Variants in STK32B observed in about 807,000 individuals in gnomAD.
STK32B encodes the protein serine/threonine-protein kinase 32B.
In STK32B, 43 loss-of-function variants were observed where a neutral mutation model predicts 52.6. The observed-to-expected ratio is 0.82, with a 90% CI of 0.64 to 1.05. The LOEUF (loss-of-function observed/expected upper bound fraction) is 1.05. STK32B is among the 50% of genes least tolerant of loss of function. The pLI is 0.00. For synonymous variants in STK32B, 238 were observed against 204.3 expected, an observed-to-expected ratio of 1.17 and a Z score of -1.41; for missense variants, 621 against 534.6, an observed-to-expected ratio of 1.16 and a Z score of -1.59.
rs555645286 is a variant in STK32B, at chr4:5,090,176, T to C, written c.52+38261T>C. On this transcript the variant is annotated intron_variant, in intron 1 of 11. Coordinates refer to ENST00000282908, the MANE Select transcript of STK32B (RefSeq NM_018401.3). Reference sequence around the variant, plus strand: ...TCTATAGGTTGCCTGTTCACTCTGATGCTAGTTTCTTTTGCTGTGCAGAAG... The same window carrying C: ...TCTATAGGTTGCCTGTTCACTCTGACGCTAGTTTCTTTTGCTGTGCAGAAG... Among the ~76,000 whole-genome samples, 113 of 148,614 alleles carry C rather than the reference T, an allele frequency of 7.6e-4. 1 individual carries two copies. Among genetic ancestry groups the C allele is most frequent in the Non-Finnish European group, 1.4e-3 (97 of 67,338 alleles).
intron 2 of STK32B, among the ~76,000 whole-genome samples, chr4:5,156,252 A>G (rs1317516535): frequency 6.6e-6 from 1 of 151,358 alleles, no homozygotes. Context: ...TCTATGATAC[A>G]GATAACATAT....
chr4:5,182,456 T>G (rs1720434308), intron 3 of STK32B, among the ~76,000 whole-genome samples: 1 of 152,022 alleles, frequency 6.6e-6, no homozygotes, highest in Non-Finnish European at 1.5e-5. Flanking sequence ...AATGTCCTTT[T>G]TTTTTCCTTT....
At chr4:5,240,742 G>A (rs1724966710) in intron 3 of STK32B, among the ~76,000 whole-genome samples, 1 of 152,172 alleles carries the variant, frequency 6.6e-6, no homozygotes, top group Non-Finnish European at 1.5e-5. Flanking sequence ...TTACAGGAGT[G>A]AGCCACTGTT....
At chr4:5,269,388 C>T (rs1236226339) in intron 3 of STK32B, among the ~76,000 whole-genome samples, 7 of 152,068 alleles carry the variant, frequency 4.6e-5, no homozygotes, top group African/African-American at 9.7e-5. Flanking sequence ...TAACAAAAAG[C>T]GAGACTTACA....
At chr4:5,311,677 G>C (rs889056118) in intron 3 of STK32B, among the ~76,000 whole-genome samples, 4 of 152,000 alleles carry the variant, frequency 2.6e-5, no homozygotes, top group African/African-American at 9.7e-5. Context: ...AATTTTGATA[G>C]CTTAGAAGAA....
chr4:5,257,247 TTGAGTGAATGAA>T lies in STK32B; in HGVS notation c.261-73961_261-73950del, dbSNP rs1408115747. On this transcript the variant is annotated intron_variant, in intron 3 of 11. Coordinates refer to ENST00000282908, the MANE Select transcript of STK32B (RefSeq NM_018401.3). ...TGTGAGTGAATGAATGAGTGAATGA[TTGAGTGAATGAA>T]TGAGTGAATGATGAAGTGAGTGAGT... 6.6e-5 allele frequency among the ~76,000 whole-genome samples: 8 copies of T among 120,682 alleles called. 1 individual carries two copies. In the South Asian group the frequency reaches 1.0e-3, roughly 15 times the overall value. 79.2% of individuals were successfully genotyped at this position (120,682 alleles called of 152,430 possible).
At chr4:5,339,897 C>A (rs539557568) in intron 4 of STK32B, among the ~76,000 whole-genome samples, 1 of 152,190 alleles carries the variant, frequency 6.6e-6, no homozygotes, top group Non-Finnish European at 1.5e-5. Context: ...TCTGGGGGAA[C>A]TGGCCTTGAA....
chr4:5,213,521 G>A (rs779775417), intron 3 of STK32B, among the ~76,000 whole-genome samples: 1 of 152,232 alleles, frequency 6.6e-6, no homozygotes, highest in Non-Finnish European at 1.5e-5. Flanking sequence ...AAGTGAAGCA[G>A]ATAGAGATCA....
intron 6 of STK32B, among the ~76,000 whole-genome samples, chr4:5,438,412 G>A (rs576983539): frequency 1.3e-5 from 2 of 152,172 alleles, no homozygotes; most frequent in Admixed American, 1.3e-4. Flanking sequence ...ATCTATCACC[G>A]ATAGGAAGAG....
At chr4:5,251,576 T>C (rs1725939432) in intron 3 of STK32B, among the ~76,000 whole-genome samples, 1 of 152,216 alleles carries the variant, frequency 6.6e-6, no homozygotes, top group Non-Finnish European at 1.5e-5. Flanking sequence ...TCTCTTTTGG[T>C]TCCATATGAA....
chr4:5,165,994 G>C (rs757633512), intron 2 of STK32B, among the ~76,000 whole-genome samples: 1 of 152,146 alleles, frequency 6.6e-6, no homozygotes, highest in Non-Finnish European at 1.5e-5. Context: ...TGCTGACTCA[G>C]TTCAGAAATA....
chr4:5,083,257 A>G (rs1712535446), intron 1 of STK32B, among the ~76,000 whole-genome samples: 1 of 152,222 alleles, frequency 6.6e-6, no homozygotes, highest in African/African-American at 2.4e-5. Flanking sequence ...CCTTTTCAAA[A>G]TAGATTTAGA....
At chr4:5,240,287 CT>C (rs200109352) in intron 3 of STK32B, among the ~76,000 whole-genome samples, 5 of 151,404 alleles carry the variant, frequency 3.3e-5, no homozygotes, top group East Asian at 1.9e-4. Context: ...AATCTTGAAT[CT>C]TTTTTTTTCT....
chr4:5,373,675 A>C (rs10213273), intron 4 of STK32B, among the ~76,000 whole-genome samples: 1 of 152,126 alleles, frequency 6.6e-6, no homozygotes, highest in Admixed American at 6.5e-5. Context: ...TCCCATCTGC[A>C]GGGCCCCTAG....
chr4:5,240,798 T>G (rs768921609), intron 3 of STK32B, among the ~76,000 whole-genome samples: 6 of 152,184 alleles, frequency 3.9e-5, no homozygotes, highest in Non-Finnish European at 7.4e-5. Context: ...CTTTGATGAT[T>G]GTGCTTCTTT....
chr4:5,135,521 C>G (rs1427412996), intron 1 of STK32B, among the ~76,000 whole-genome samples: 1 of 152,218 alleles, frequency 6.6e-6, no homozygotes, highest in Non-Finnish European at 1.5e-5. Context: ...AAGAATGTTT[C>G]TAGCTTCTAG....
chr4:5,266,449 G>T (rs1379139597), intron 3 of STK32B, among the ~76,000 whole-genome samples: 1 of 152,170 alleles, frequency 6.6e-6, no homozygotes, highest in African/African-American at 2.4e-5. Context: ...CTTAATTAAT[G>T]ATCTGGGAGA....
chr4:5,377,428 T>C (rs1326516813), intron 4 of STK32B, among the ~76,000 whole-genome samples: 2 of 152,198 alleles, frequency 1.3e-5, no homozygotes, highest in Non-Finnish European at 2.9e-5. Context: ...TCACAACACC[T>C]ATAAGCGCCT....
At chr4:5,277,957 G>A (rs111904993) in intron 3 of STK32B, among the ~76,000 whole-genome samples, 9 of 152,146 alleles carry the variant, frequency 5.9e-5, no homozygotes, top group Non-Finnish European at 1.3e-4. Flanking sequence ...ACCTAGAAAC[G>A]AAACTGTTTT....
Sources: gnomAD v4.1 joint callset for allele counts (sites outside exome capture counted in the v4.1 genomes callset) on GRCh38, gnomAD v4.1.1 for gene constraint, MANE v1.5 for transcripts, NCBI Gene and HGNC (gene_info 2026-07-23, HGNC 2026-07-21) for gene names.